Variants in SMU1 observed in about 807,000 individuals in gnomAD.
SMU1 encodes the protein SMU1 DNA replication regulator and spliceosomal factor, also known as WD40 repeat-containing protein SMU1.
A neutral mutation model predicts 62.0 loss-of-function variants in SMU1; 2 were observed. That is an observed-to-expected ratio of 0.03 (90% CI 0.01 to 0.10). SMU1 has a LOEUF of 0.10. SMU1 is among the 10% of genes least tolerant of loss of function. SMU1 has a pLI of 1.00. For synonymous variants in SMU1, 188 were observed against 212.4 expected, an observed-to-expected ratio of 0.89 and a Z score of 1.00; for missense variants, 227 against 622.1, an observed-to-expected ratio of 0.36 and a Z score of 6.76.
Position 33,051,120 on chromosome 9 carries a change from CA to C in SMU1, c.1290+2002del, listed in dbSNP as rs1225817487. ...TGGGCGACAGAGCGAGACTCTGTCT[CA>C]AAAAAAAAAAAAAATAAAAATAAAA... On this transcript the variant is annotated intron_variant, in intron 10 of 11. Coordinates refer to ENST00000397149, the MANE Select transcript of SMU1 (RefSeq NM_018225.3). 9.0e-3 allele frequency among the ~76,000 whole-genome samples: 340 copies of C among 37,948 alleles called. 20 individuals are homozygous for C. The highest frequency in any genetic ancestry group is 0.026 in the African/African-American group (278 of 10,700). The allele number at this position is 37,948 out of a possible 152,430, so 24.9% of individuals were successfully genotyped here. A position where few individuals can be genotyped will look rare whatever the true frequency, so the allele number is the denominator to read the frequency against.
Position 33,047,249 on chromosome 9 carries a change from A to C in SMU1, c.*44T>G. 1 of 1,385,350 alleles carries C rather than the reference A, an allele frequency of 7.2e-7. No individual in the cohort carries two copies. The highest frequency in any genetic ancestry group is 1.0e-6 in the Non-Finnish European group (1 of 989,548). The allele number at this position is 1,385,350 out of a possible 1,614,324, so 85.8% of individuals were successfully genotyped here. Reference sequence around the variant, plus strand: ...AAAGCACATTACATGAATATGCTTCATTTAAGTACATGCTTTCGAGCTGAT... The same window carrying C: ...AAAGCACATTACATGAATATGCTTCCTTTAAGTACATGCTTTCGAGCTGAT... On this transcript the variant is annotated 3_prime_UTR_variant, in exon 12 of 12. Coordinates refer to ENST00000397149, the MANE Select transcript of SMU1 (RefSeq NM_018225.3).
At chr9:33,064,376 C>G (rs1048418693) in intron 4 of SMU1, among the ~76,000 whole-genome samples, 1 of 152,126 alleles carries the variant, frequency 6.6e-6, no homozygotes, top group East Asian at 1.9e-4. Context: ...TATATTATCT[C>G]CCAGTGTTTT....
At chr9:33,057,104 T>C in intron 7 of SMU1, 140 bp from the exon 8 acceptor site, 1 of 791,720 alleles carries the variant, frequency 1.3e-6, no homozygotes, top group South Asian at 1.8e-5. Flanking sequence ...CTGAATATGA[T>C]GTCTAGTTCA....
At chr9:33,052,000 A>G (rs6476396) in intron 10 of SMU1, among the ~76,000 whole-genome samples, 5,665 of 150,602 alleles carry the variant, frequency 0.038, 320 homozygotes, top group African/African-American at 0.13. Flanking sequence ...CTGGGCAACA[A>G]GAGCAAAACT....
At chr9:33,050,007 T>C (rs1210033702) in intron 10 of SMU1, among the ~76,000 whole-genome samples, 3 of 152,170 alleles carry the variant, frequency 2.0e-5, no homozygotes, top group African/African-American at 4.8e-5. Flanking sequence ...AAAACCAGAT[T>C]TGATAAAGAA....
intron 10 of SMU1, among the ~76,000 whole-genome samples, chr9:33,049,138 G>A (rs1839216123): frequency 6.6e-6 from 1 of 152,148 alleles, no homozygotes; most frequent in Non-Finnish European, 1.5e-5. Flanking sequence ...CTTACGCAAA[G>A]AGGCAAAAGA....
intron 10 of SMU1, among the ~76,000 whole-genome samples, chr9:33,048,686 T>C (rs1023479200): frequency 2.0e-5 from 3 of 152,210 alleles, no homozygotes; most frequent in Non-Finnish European, 4.4e-5. Flanking sequence ...GCTTGCTCTA[T>C]TGATACATTA....
At chr9:33,055,445 T>C (rs555444294) in intron 9 of SMU1, among the ~76,000 whole-genome samples, 109 of 152,214 alleles carry the variant, frequency 7.2e-4, no homozygotes, top group African/African-American at 2.5e-3. Context: ...TACTCACTCA[T>C]ATAAGACAAT....
chr9:33,070,312 C>T (rs1452344683), intron 3 of SMU1, among the ~76,000 whole-genome samples: 1 of 152,104 alleles, frequency 6.6e-6, no homozygotes, highest in Non-Finnish European at 1.5e-5. Flanking sequence ...TAGAGAAATG[C>T]AAATCAAACT....
At position 33,048,274 on chromosome 9, in the gene SMU1, C is replaced by A. The variant is rs200779661; in HGVS notation, c.1291-16G>T. Reference sequence around the variant, plus strand: ...TTCTGACAATCTAGATCACACCACACCCCAAGAAAAAAACATCAGGATTAG... The same window carrying A: ...TTCTGACAATCTAGATCACACCACAACCCAAGAAAAAAACATCAGGATTAG... On this transcript the variant is annotated splice_polypyrimidine_tract_variant and intron_variant, in intron 10 of 11. Coordinates refer to ENST00000397149, the MANE Select transcript of SMU1 (RefSeq NM_018225.3). 76 of 1,612,204 alleles carry A rather than the reference C, an allele frequency of 4.7e-5. No homozygotes were observed. The highest frequency in any genetic ancestry group is 6.2e-5 in the Non-Finnish European group (73 of 1,179,456).
chr9:33,071,923 C>G, intron 2 of SMU1, 31 bp from the exon 3 acceptor site: 1 of 1,491,014 alleles, frequency 6.7e-7, no homozygotes, highest in African/African-American at 1.5e-5. Context: ...AAAAAAAACC[C>G]CAGATGTTTC....
intron 4 of SMU1, among the ~76,000 whole-genome samples, chr9:33,063,707 G>C (rs949191841): frequency 6.6e-6 from 1 of 151,868 alleles, no homozygotes; most frequent in African/African-American, 2.4e-5. Context: ...GCATGCGAGG[G>C]ATCTAGGATG....
At chr9:33,057,455 TAAG>T (rs1839315342) in intron 7 of SMU1, 140 bp downstream of exon 7, 1 of 1,021,680 alleles carries the variant, frequency 9.8e-7, no homozygotes, top group African/African-American at 1.6e-5. Context: ...TAAGATTACA[TAAG>T]AAAAAGTAAA....
chr9:33,072,815 T>G (rs797000090), intron 2 of SMU1, among the ~76,000 whole-genome samples: 3 of 133,554 alleles, frequency 2.2e-5, no homozygotes, highest in African/African-American at 8.6e-5. Context: ...GGTAACACAG[T>G]GAGACTCTGT....
intron 4 of SMU1, among the ~76,000 whole-genome samples, chr9:33,064,361 T>C (rs1182487303): frequency 6.6e-6 from 1 of 152,238 alleles, no homozygotes; most frequent in East Asian, 1.9e-4. Flanking sequence ...TCAGGTTTGA[T>C]AGATTATATT....
rs1377997845 is a variant in SMU1, at chr9:33,043,940, C to A, written c.*3353G>T. ...AGTAATAATACATGCTGAAAAAAAA[C>A]AACTGGTGAAGAAGATACTGAATTG... On this transcript the variant is annotated 3_prime_UTR_variant, in exon 12 of 12. Transcript: ENST00000397149. The A allele has an allele frequency of 1.5e-5, 2 of 132,202 alleles. No homozygotes were observed. Among genetic ancestry groups the A allele is most frequent in the African/African-American group, 2.8e-5 (1 of 35,150 alleles). The allele number at this position is 132,202 out of a possible 1,614,324, so 8.2% of individuals were successfully genotyped here. A position where few individuals can be genotyped will look rare whatever the true frequency, so the allele number is the denominator to read the frequency against.
intron 4 of SMU1, among the ~76,000 whole-genome samples, chr9:33,067,754 C>T (rs1391895837): frequency 6.6e-6 from 1 of 152,070 alleles, no homozygotes; most frequent in Non-Finnish European, 1.5e-5. Flanking sequence ...CCACCTTGGC[C>T]TCCCAAAGTG....
rs1201721655 is a variant in SMU1 at position 33,050,850 on chromosome 9, G to A, written c.1290+2273C>T. Among the ~76,000 whole-genome samples the A allele has an allele frequency of 8.9e-5, 6 of 67,050 alleles. 1 individual carries two copies. Among genetic ancestry groups the A allele is most frequent in the South Asian group, 3.2e-4 (1 of 3,172 alleles). 44.0% of individuals were successfully genotyped at this position (67,050 alleles called of 152,430 possible). A position where few individuals can be genotyped will look rare whatever the true frequency, so the allele number is the denominator to read the frequency against. ...CAAAAAAAAAAATAAGGCCGGGCGCGGTGGCTCACGCCTGTAATCCCAGCA... is the reference window on the plus strand; with the variant it reads ...CAAAAAAAAAAATAAGGCCGGGCGCAGTGGCTCACGCCTGTAATCCCAGCA... On this transcript the variant is annotated intron_variant, in intron 10 of 11. Transcript: ENST00000397149.
intron 3 of SMU1, 83 bp from the exon 4 acceptor site, chr9:33,069,017 G>A: frequency 2.7e-6 from 4 of 1,476,218 alleles, no homozygotes; most frequent in Non-Finnish European, 3.6e-6. Context: ...ACAAGCAGAA[G>A]CATACACAGA....
Sources: gnomAD v4.1 joint callset for allele counts (sites outside exome capture counted in the v4.1 genomes callset) on GRCh38, gnomAD v4.1.1 for gene constraint, MANE v1.5 for transcripts, NCBI Gene and HGNC (gene_info 2026-07-23, HGNC 2026-07-21) for gene names.